The following ABCC9 variants were observed in gnomAD, a reference collection of about 807,000 sequenced individuals.
The protein encoded by ABCC9 is ATP binding cassette subfamily C member 9.
ABCC9 carries 95 observed loss-of-function variants against 188.3 expected under a neutral mutation model. The ratio of observed to expected loss-of-function variants is 0.50; its 90% CI spans 0.43 to 0.60. ABCC9 has a LOEUF of 0.60. ABCC9 is among the 20% of genes least tolerant of loss of function. The pLI, the probability that ABCC9 is intolerant of heterozygous loss-of-function variation, is 0.00. For missense variants in ABCC9, 1,102 were observed against 1,876.3 expected (o/e 0.59, Z 7.62); for synonymous variants, 659 against 652.7 (o/e 1.01, Z -0.15).
intron 29 of ABCC9, among the ~76,000 whole-genome samples, 200 bp from the exon 30 acceptor site, chr12:21,838,370 G>C (rs1174144770): frequency 6.6e-6 from 1 of 152,176 alleles, no homozygotes; most frequent in Non-Finnish European, 1.5e-5. Context: ...ATGAATACAG[G>C]TAGAGGCTGA....
chr12:21,902,893 C>T (rs1041091125), intron 12 of ABCC9, among the ~76,000 whole-genome samples: 15 of 152,198 alleles, frequency 9.9e-5, no homozygotes, highest in Admixed American at 8.5e-4. Context: ...CCTTCTGAAA[C>T]TATTCCAATC....
At chr12:21,923,671 G>A in intron 5 of ABCC9, 1 of 580,722 alleles carries the variant, frequency 1.7e-6, no homozygotes, top group East Asian at 2.8e-5. Flanking sequence ...CCTTGTTAGT[G>A]AGTATAAAAA....
intron 39 of ABCC9, 150 bp downstream of exon 39, chr12:21,805,848 T>G: frequency 1.3e-6 from 1 of 770,794 alleles, no homozygotes; most frequent in South Asian, 1.6e-5. Context: ...TCAAAACATC[T>G]TCGTATTTTT....
At chr12:21,819,262 C>T (rs984489239) in intron 31 of ABCC9, among the ~76,000 whole-genome samples, 3 of 152,144 alleles carry the variant, frequency 2.0e-5, no homozygotes, top group African/African-American at 7.2e-5. Flanking sequence ...CTAGAATTAT[C>T]TCAAGTCTCA....
chr12:21,825,004 G>T (rs1311788869), intron 31 of ABCC9, among the ~76,000 whole-genome samples: 1 of 151,734 alleles, frequency 6.6e-6, no homozygotes, highest in African/African-American at 2.4e-5. Flanking sequence ...CTGATTTTTT[G>T]AAGGGTTTTT....
chr12:21,897,045 A>G (rs1283806), intron 12 of ABCC9, among the ~76,000 whole-genome samples: 96,422 of 152,112 alleles, frequency 0.63, 30,824 homozygotes, highest in East Asian at 0.81. Context: ...TCAACAGTGT[A>G]AAAGCATTCC....
intron 10 of ABCC9, 21 bp from the exon 11 acceptor site, chr12:21,908,232 A>G (rs952744111): frequency 6.2e-7 from 1 of 1,611,536 alleles, no homozygotes; most frequent in Non-Finnish European, 8.5e-7. Context: ...AAACACATGG[A>G]AAAGAGAAGA....
intron 38 of ABCC9, 145 bp from the exon 39 acceptor site, chr12:21,806,205 C>G: frequency 1.4e-6 from 1 of 737,750 alleles, no homozygotes; most frequent in Non-Finnish European, 2.4e-6. Context: ...AGGGGCAGTC[C>G]CCAGCAGCAG....
At chr12:21,881,707 A>AACACAC (rs3062604) in intron 16 of ABCC9, among the ~76,000 whole-genome samples, 2,145 of 148,216 alleles carry the variant, frequency 0.014, 29 homozygotes, top group East Asian at 0.018. Flanking sequence ...CCTAGGGAAC[A>AACACAC]ACACACACAC....
chr12:21,862,967 A>C lies in ABCC9; in HGVS notation c.2325T>G (p.Pro775=). 1 of 1,607,930 alleles carries C rather than the reference A, an allele frequency of 6.2e-7. No homozygotes were observed. The highest frequency in any genetic ancestry group is 8.5e-7 in the Non-Finnish European group (1 of 1,174,716). The change falls in exon 20 of 40, where the codon CCT becomes CCG. Residue 775 remains proline (P), a synonymous_variant. Coordinates refer to ENST00000261200, the MANE Select transcript of ABCC9 (RefSeq NM_020297.4). ...CTCAAAATTACCTCTGTTTGTTAAA[A>C]GGACTTCCAAAAGTAATATTTTCTT... ...TVEENITFGS[P]FNKQRYKAVT...
intron 10 of ABCC9, among the ~76,000 whole-genome samples, chr12:21,908,777 A>T (rs1948170002): frequency 6.6e-6 from 1 of 151,776 alleles, no homozygotes; most frequent in South Asian, 2.1e-4. Flanking sequence ...GGTAACTAAA[A>T]CTGTTAAAAA....
chr12:21,815,743 C>G lies in ABCC9; in HGVS notation c.4023+20G>C, dbSNP rs751313608. The G allele has an allele frequency of 1.2e-6, 2 of 1,611,078 alleles. No homozygotes were observed. Among genetic ancestry groups the G allele is most frequent in the South Asian group, 2.2e-5 (2 of 91,018 alleles). On this transcript the variant is annotated intron_variant, in intron 34 of 39. Transcript: ENST00000261200. ...CAGAGGTTTTATGTATACAACATATCAAATGCAGTGATTTCATACCTTTTG... is the reference window on the plus strand; with the variant it reads ...CAGAGGTTTTATGTATACAACATATGAAATGCAGTGATTTCATACCTTTTG...
At chr12:21,879,900 C>T (rs369614925) in intron 16 of ABCC9, among the ~76,000 whole-genome samples, 31 of 151,798 alleles carry the variant, frequency 2.0e-4, no homozygotes, top group East Asian at 1.5e-3. Flanking sequence ...TGTCAATGTT[C>T]GTTAGAAAGC....
Position 21,904,667 on chromosome 12 carries a change from C to T in ABCC9, c.1618+1459G>A, listed in dbSNP as rs1453491932. Among the ~76,000 whole-genome samples the T allele has an allele frequency of 2.0e-5, 3 of 152,182 alleles. 1 individual carries two copies. Among genetic ancestry groups the T allele is most frequent in the Non-Finnish European group, 4.4e-5 (3 of 68,024 alleles). ...AGAAGACATTTATGCAGCCAACACA[C>T]ACATGAAGAAATGCTCATCATCACT... On this transcript the variant is annotated intron_variant, in intron 12 of 39. Coordinates refer to ENST00000261200, the MANE Select transcript of ABCC9 (RefSeq NM_020297.4).
intron 30 of ABCC9, among the ~76,000 whole-genome samples, chr12:21,832,616 TA>T (rs371263458): frequency 0.018 from 2,555 of 138,374 alleles, 31 homozygotes; most frequent in South Asian, 0.049. Context: ...AGTTTAAAAA[TA>T]AAAAAAAAAA....
intron 33 of ABCC9, 35 bp from the exon 34 acceptor site, chr12:21,815,928 G>T: frequency 6.3e-7 from 1 of 1,582,346 alleles, no homozygotes. Context: ...ACAGATAATA[G>T]GCAGATAGAG....
At chr12:21,853,362 A>G (rs1045092077) in intron 22 of ABCC9, among the ~76,000 whole-genome samples, 1 of 152,110 alleles carries the variant, frequency 6.6e-6, no homozygotes, top group Non-Finnish European at 1.5e-5. Context: ...TAACTGGATC[A>G]TAACAGGACT....
At chr12:21,938,388 A>C (rs1010240181) in intron 2 of ABCC9, among the ~76,000 whole-genome samples, 2 of 152,168 alleles carry the variant, frequency 1.3e-5, no homozygotes, top group Non-Finnish European at 2.9e-5. Flanking sequence ...TAAGGTATTA[A>C]TCTGGATAAA....
intron 39 of ABCC9, among the ~76,000 whole-genome samples, chr12:21,802,967 A>G (rs997939963): frequency 3.3e-5 from 5 of 152,054 alleles, no homozygotes; most frequent in Admixed American, 2.6e-4. Flanking sequence ...CCAGCTTAGA[A>G]CATGTGCCAG....
Sources: gnomAD v4.1 joint callset for allele counts (sites outside exome capture counted in the v4.1 genomes callset) on GRCh38, gnomAD v4.1.1 for gene constraint, MANE v1.5 for transcripts, NCBI Gene and HGNC (gene_info 2026-07-23, HGNC 2026-07-21) for gene names.